The following ADGRA2 variants were observed in gnomAD, a reference collection of about 807,000 sequenced individuals.
ADGRA2 encodes the protein G-protein coupled receptor 124.
In ADGRA2, 61 loss-of-function variants were observed where a neutral mutation model predicts 98.7. The observed-to-expected ratio is 0.62, with a 90% CI of 0.50 to 0.76. The LOEUF is 0.76. Among genes scored for constraint, ADGRA2 ranks in the 30% least tolerant of loss-of-function variants. The pLI is 0.00. For missense variants in ADGRA2, 1,712 were observed against 1,860.0 expected (o/e 0.92, Z 1.46); for synonymous variants, 858 against 831.5 (o/e 1.03, Z -0.55).
At chr8:37,805,846 G>A (rs1189268621) in intron 1 of ADGRA2, among the ~76,000 whole-genome samples, 1 of 152,058 alleles carries the variant, frequency 6.6e-6, no homozygotes, top group Non-Finnish European at 1.5e-5. Context: ...TCTAGCCTGG[G>A]CGACAGAGTG....
chr8:37,797,422 A>C lies in ADGRA2; in HGVS notation c.154A>C (p.Lys52Gln), dbSNP rs1310870863. The C allele has an allele frequency of 8.4e-6, 12 of 1,428,576 alleles. No individual in the cohort carries two copies. Among genetic ancestry groups the C allele is most frequent in the Non-Finnish European group, 1.1e-5 (12 of 1,089,544 alleles). 88.5% of individuals were successfully genotyped at this position (1,428,576 alleles called of 1,614,324 possible). A position where few individuals can be genotyped will look rare whatever the true frequency, so the allele number is the denominator to read the frequency against. Residue 52 changes from lysine (K) to glutamine (Q), a missense_variant, in exon 1 of 19, where the codon AAG (lysine) becomes CAG (glutamine). By Grantham distance (53) the Lys-to-Gln change is moderately conservative (BLOSUM62 1). Coordinates refer to ENST00000412232, the MANE Select transcript of ADGRA2 (RefSeq NM_032777.10). This position sits in a 1 kb window ranked among gnomAD's most constrained non-coding sequence, Gnocchi z 5.3. ...CTGCAAGTGCTCGGGGGAGCGGCCC[A>C]AGGGGCTGAGCGGCGGCGTCCCTGG... is the stretch of plus-strand genomic sequence containing the variant. ...RSCKCSGERP[K>Q]GLSGGVPGPA...
At chr8:37,839,653 G>A in intron 16 of ADGRA2, 31 bp downstream of exon 16, 3 of 1,610,698 alleles carry the variant, frequency 1.9e-6, no homozygotes, top group Non-Finnish European at 1.7e-6. Context: ...TGGGGGTGGT[G>A]CTCCGAGATG....
intron 3 of ADGRA2, 75 bp downstream of exon 3, chr8:37,829,034 A>G: frequency 1.9e-6 from 1 of 525,296 alleles, no homozygotes; most frequent in Non-Finnish European, 2.4e-6. Flanking sequence ...CTCCATGCCC[A>G]CCCCCTTCCT....
rs575161773 is a variant in ADGRA2, at chr8:37,814,418, C to G, written c.267-478C>G. On this transcript the variant is annotated intron_variant, in intron 1 of 18. Coordinates refer to ENST00000412232, the MANE Select transcript of ADGRA2 (RefSeq NM_032777.10). This position sits in a 1 kb window ranked among gnomAD's most constrained non-coding sequence, Gnocchi z 4.3. The stretch of plus-strand genomic sequence containing the variant: ...TCCTTCGCTCACAGGTGAGAGTGTG[C>G]GAGCCTCCGAGGAAGGGCAGCTCCC... Among the ~76,000 whole-genome samples, 1 of 152,182 alleles carries G rather than the reference C, an allele frequency of 6.6e-6. No homozygotes were observed. The highest frequency in any genetic ancestry group is 2.4e-5 in the African/African-American group (1 of 41,452).
At position 37,834,081 on chromosome 8, in the gene ADGRA2, C is replaced by T. The variant is rs201586378; in HGVS notation, c.1561C>T (p.Arg521Cys). The T allele has an allele frequency of 2.7e-5, 44 of 1,612,726 alleles. No individual in the cohort carries two copies. Among genetic ancestry groups the T allele is most frequent in the South Asian group, 1.2e-4 (11 of 91,038 alleles). ...ACSRIVGALE[R>C]IGGAALSPHA... ...CAGCCGCATCGTGGGTGCCCTGGAG[C>T]GCATTGGGGGGGCCGCCCTCAGCCC... The change falls in exon 11 of 19, where the codon CGC becomes TGC. Residue 521 changes from arginine (R) to cysteine (C), a missense_variant. Coordinates refer to ENST00000412232, the MANE Select transcript of ADGRA2 (RefSeq NM_032777.10). The surrounding 1 kb of genome is among the most constrained non-coding windows in gnomAD (Gnocchi z 4.2).
intron 2 of ADGRA2, among the ~76,000 whole-genome samples, chr8:37,827,453 G>A (rs1223239513): frequency 1.3e-5 from 2 of 152,230 alleles, no homozygotes; most frequent in African/African-American, 4.8e-5. Context: ...CAGCCCCAGG[G>A]GCAGGTGAGG....
chr8:37,821,783 C>G (rs1031824914), intron 2 of ADGRA2, among the ~76,000 whole-genome samples: 1 of 152,188 alleles, frequency 6.6e-6, no homozygotes, highest in Non-Finnish European at 1.5e-5. Flanking sequence ...TAATGAGCCC[C>G]GGGGGCTGGT....
In ADGRA2 at chr8:37,844,353, C is replaced by A; in HGVS notation, c.*1998C>A. ...CTTTACTCCAGGACCCAGGGTCCAA[C>A]TAATGGCAGAGCCCCTCTTGGTTCC... On this transcript the variant is annotated 3_prime_UTR_variant, in exon 19 of 19. Coordinates refer to ENST00000412232, the MANE Select transcript of ADGRA2 (RefSeq NM_032777.10). 6.0e-6 allele frequency: 7 copies of A among 1,169,478 alleles called. No individual in the cohort carries two copies. Among genetic ancestry groups the A allele is most frequent in the Non-Finnish European group, 8.5e-6 (7 of 823,362 alleles). 72.4% of individuals were successfully genotyped at this position (1,169,478 alleles called of 1,614,324 possible). A position where few individuals can be genotyped will look rare whatever the true frequency, so the allele number is the denominator to read the frequency against.
intron 1 of ADGRA2, among the ~76,000 whole-genome samples, chr8:37,807,386 C>T (rs186365082): frequency 2.0e-5 from 3 of 152,264 alleles, no homozygotes. Context: ...GTCTTACTGT[C>T]GTATCAACCA....
Position 37,814,177 on chromosome 8 carries a change from A to G in ADGRA2, c.267-719A>G, listed in dbSNP as rs1049339843. 1.3e-5 allele frequency among the ~76,000 whole-genome samples: 2 copies of G among 152,144 alleles called. No individual in the cohort carries two copies. The highest frequency in any genetic ancestry group is 4.8e-5 in the African/African-American group (2 of 41,440). ...GGCTGAGTGGGTGGGCGGAGATGAG[A>G]CACTCGGTCTCTCTCAGTCACTTGG... On this transcript the variant is annotated intron_variant, in intron 1 of 18. Transcript: ENST00000412232. This position sits in a 1 kb window ranked among gnomAD's most constrained non-coding sequence, Gnocchi z 4.3.
chr8:37,797,581 G>T lies in ADGRA2; in HGVS notation c.266+47G>T. ...TTCCGTCCGAGCCGGGACTGGGGAC[G>T]AAGGGAGGCGAGACGGGAGGGGTGG... On this transcript the variant is annotated intron_variant, in intron 1 of 18. Coordinates refer to ENST00000412232, the MANE Select transcript of ADGRA2 (RefSeq NM_032777.10). The surrounding 1 kb of genome is among the most constrained non-coding windows in gnomAD (Gnocchi z 5.3). 1.5e-6 allele frequency: 2 copies of T among 1,302,710 alleles called. No homozygotes were observed. The highest frequency in any genetic ancestry group is 9.8e-7 in the Non-Finnish European group (1 of 1,015,400). 80.7% of individuals were successfully genotyped at this position (1,302,710 alleles called of 1,614,324 possible).
intron 8 of ADGRA2, among the ~76,000 whole-genome samples, chr8:37,832,302 C>T (rs1805480530): frequency 6.6e-6 from 1 of 152,104 alleles, no homozygotes; most frequent in African/African-American, 2.4e-5. Context: ...ATCCACCCGC[C>T]TTGGCCTCCC....
Position 37,839,526 on chromosome 8 carries a change from G to A in ADGRA2, c.2415G>A (p.Trp805Ter). Residue 805 changes from tryptophan to a stop codon, truncating the protein, a stop_gained, in exon 16 of 19, where the codon TGG becomes TGA. Coordinates refer to ENST00000412232, the MANE Select transcript of ADGRA2 (RefSeq NM_032777.10). LOFTEE classifies it high-confidence loss of function. ...HSSIRVSRKG[W>*]HMLLNLCFHI... ...CCATCCGTGTGTCCCGGAAAGGCTG[G>A]CACATGCTGCTGAACTTGTGCTTCC... 6.2e-7 allele frequency: 1 copy of A among 1,614,142 alleles called. No homozygotes were observed. The highest frequency in any genetic ancestry group is 8.5e-7 in the Non-Finnish European group (1 of 1,180,022).
intron 2 of ADGRA2, among the ~76,000 whole-genome samples, chr8:37,828,096 C>T (rs1805332053): frequency 1.3e-5 from 2 of 152,180 alleles, no homozygotes; most frequent in South Asian, 4.2e-4. Context: ...GAGCCATGAT[C>T]ACACCACTGC....
At chr8:37,825,621 CG>C (rs1296527776) in intron 2 of ADGRA2, among the ~76,000 whole-genome samples, 1 of 151,968 alleles carries the variant, frequency 6.6e-6, no homozygotes, top group Non-Finnish European at 1.5e-5. Context: ...GAGTTTTTCT[CG>C]GGCAGAAGTT....
At position 37,797,356 on chromosome 8, in the gene ADGRA2, G is replaced by T; in HGVS notation, c.88G>T (p.Glu30Ter). The T allele has an allele frequency of 7.1e-7, 1 of 1,409,144 alleles. No homozygotes were observed. 87.3% of individuals were successfully genotyped at this position (1,409,144 alleles called of 1,614,324 possible). The part of the protein sequence containing the change: ...LPWLLLLLAP[E>*]ARGAPGCPLS... ...GTGGCTCCTGCTGCTCCTGGCGCCC[G>T]AGGCTCGGGGCGCGCCCGGCTGCCC... Residue 30 changes from glutamate to a stop codon, truncating the protein, a stop_gained, in exon 1 of 19, where the codon GAG becomes TAG. Coordinates refer to ENST00000412232, the MANE Select transcript of ADGRA2 (RefSeq NM_032777.10). LOFTEE classifies it high-confidence loss of function. The surrounding 1 kb of genome is among the most constrained non-coding windows in gnomAD (Gnocchi z 5.3).
At position 37,839,542 on chromosome 8, in the gene ADGRA2, T is replaced by A. The variant is rs1452064107; in HGVS notation, c.2431T>A (p.Leu811Met). The change falls in exon 16 of 19, where the codon TTG becomes ATG. Residue 811 changes from leucine (L) to methionine (M), a missense_variant. By Grantham distance (15) the Leu-to-Met change is conservative. Transcript: ENST00000412232. ...SRKGWHMLLN[L>M]CFHIAMTSAV... Reference sequence around the variant, plus strand: ...GAAAGGCTGGCACATGCTGCTGAACTTGTGCTTCCACATAGCCATGACCTC... The same window carrying A: ...GAAAGGCTGGCACATGCTGCTGAACATGTGCTTCCACATAGCCATGACCTC... 2 of 1,614,192 alleles carry A rather than the reference T, an allele frequency of 1.2e-6. No individual in the cohort carries two copies. Among genetic ancestry groups the A allele is most frequent in the Non-Finnish European group, 1.7e-6 (2 of 1,180,032 alleles).
rs549991161 is a variant in ADGRA2, at chr8:37,805,632, G to A, written c.266+8098G>A. ...CGCCTGTAATTCCAACACTTTGGGAGGCCGAGGTGGGTGGATCACGAGGTC... is the reference window on the plus strand; with the variant it reads ...CGCCTGTAATTCCAACACTTTGGGAAGCCGAGGTGGGTGGATCACGAGGTC... On this transcript the variant is annotated intron_variant, in intron 1 of 18. Coordinates refer to ENST00000412232, the MANE Select transcript of ADGRA2 (RefSeq NM_032777.10). 3.3e-5 allele frequency among the ~76,000 whole-genome samples: 5 copies of A among 152,050 alleles called. No individual in the cohort carries two copies. The East Asian group carries it at 9.7e-4, about 29-fold the overall frequency.
chr8:37,823,685 G>A (rs2129980745), intron 2 of ADGRA2, among the ~76,000 whole-genome samples: 1 of 152,328 alleles, frequency 6.6e-6, no homozygotes, highest in African/African-American at 2.4e-5. Context: ...CACCAGTAAT[G>A]TGTAAGGGTT....
Sources: allele counts gnomAD v4.1 joint callset (sites outside exome capture counted in the v4.1 genomes callset), GRCh38; gene constraint gnomAD v4.1.1; non-coding constraint Gnocchi (gnomAD v3.1); transcripts MANE v1.5; gene names NCBI Gene and HGNC (gene_info 2026-07-23, HGNC 2026-07-21).